The following ZBTB20 variants were observed in gnomAD, a reference collection of about 807,000 sequenced individuals.
ZBTB20 encodes the protein zinc finger and BTB domain-containing protein 20.
A neutral mutation model predicts 56.9 loss-of-function variants in ZBTB20; 9 were observed. The observed-to-expected ratio is 0.16, with a 90% CI of 0.10 to 0.28. The LOEUF (loss-of-function observed/expected upper bound fraction) is 0.28. Ranked by LOEUF, ZBTB20 falls within the 10% of genes least tolerant of loss-of-function variation. The pLI, the probability that ZBTB20 is intolerant of heterozygous loss-of-function variation, is 1.00. For missense variants in ZBTB20, 655 were observed against 1,003.0 expected (o/e 0.65, Z 4.69); for synonymous variants, 417 against 420.7 (o/e 0.99, Z 0.11).
At chr3:114,839,469 G>GAAAGAAAGAAAGAA (rs1560306957) in intron 4 of ZBTB20, among the ~76,000 whole-genome samples, 1 of 72,544 alleles carries the variant, frequency 1.4e-5, no homozygotes, top group African/African-American at 5.3e-5. Context: ...GAAAGAAAGA[G>GAAAGAAAGAAAGAA]AGAGAGAAAG....
At chr3:115,085,221 A>G (rs1047306043) in intron 1 of ZBTB20, among the ~76,000 whole-genome samples, 3 of 152,006 alleles carry the variant, frequency 2.0e-5, no homozygotes, top group African/African-American at 7.2e-5. Flanking sequence ...CCTTAAATCA[A>G]AACACTATTG....
intron 6 of ZBTB20, among the ~76,000 whole-genome samples, chr3:114,681,603 A>T (rs1431100527): frequency 6.6e-6 from 1 of 152,236 alleles, no homozygotes; most frequent in Non-Finnish European, 1.5e-5. Flanking sequence ...AGTTAAAATC[A>T]ATGTGGATTT....
chr3:114,568,204 A>G (rs2053011213), intron 6 of ZBTB20, among the ~76,000 whole-genome samples: 1 of 152,158 alleles, frequency 6.6e-6, no homozygotes. Flanking sequence ...CTATACAACT[A>G]ATTAGTAAAA....
rs1306394938 is a variant in ZBTB20, at chr3:114,350,454, C to T, written c.1624G>A (p.Val542Met). 2 of 1,613,882 alleles carry T rather than the reference C, an allele frequency of 1.2e-6. No homozygotes were observed. The highest frequency in any genetic ancestry group is 1.7e-6 in the Non-Finnish European group (2 of 1,180,000). Residue 542 changes from valine to methionine, a missense_variant, in exon 11 of 12, where the codon GTG becomes ATG. Coordinates refer to ENST00000675478, the MANE Select transcript of ZBTB20 (RefSeq NM_001348800.3). ...LAGQQTQFVT[V>M]SQPGLSTFTA... ...AAGGTCGACAGACCGGGCTGGGACA[C>T]TGTCACAAACTGGGTCTGCTGGCCT...
intron 4 of ZBTB20, among the ~76,000 whole-genome samples, chr3:114,896,493 A>G (rs547819648): frequency 6.6e-6 from 1 of 152,120 alleles, no homozygotes; most frequent in Non-Finnish European, 1.5e-5. Context: ...AAATAAGCCA[A>G]ACACGAGAAG....
intron 3 of ZBTB20, among the ~76,000 whole-genome samples, chr3:114,960,762 G>A (rs1380674108): frequency 6.6e-6 from 1 of 152,108 alleles, no homozygotes; most frequent in African/African-American, 2.4e-5. Context: ...TTTGGATCCA[G>A]TCTTAGGGAG....
intron 5 of ZBTB20, among the ~76,000 whole-genome samples, chr3:114,770,589 G>A (rs992638917): frequency 4.6e-5 from 7 of 152,086 alleles, no homozygotes; most frequent in African/African-American, 1.7e-4. Context: ...TCTTGCCTGG[G>A]CAACTTTTGG....
intron 6 of ZBTB20, among the ~76,000 whole-genome samples, chr3:114,560,461 T>C (rs2051866724): frequency 6.6e-6 from 1 of 152,274 alleles, no homozygotes; most frequent in South Asian, 2.1e-4. Flanking sequence ...TTATTATCTA[T>C]TCTTAGAGAT....
intron 3 of ZBTB20, among the ~76,000 whole-genome samples, chr3:114,953,804 A>G (rs1252217027): frequency 2.6e-5 from 4 of 152,114 alleles, no homozygotes; most frequent in Non-Finnish European, 5.9e-5. Flanking sequence ...AGACTAATAT[A>G]TAATTAGTAA....
chr3:114,813,037 CT>C (rs1209175954), intron 4 of ZBTB20, among the ~76,000 whole-genome samples: 1 of 152,116 alleles, frequency 6.6e-6, no homozygotes, highest in Non-Finnish European at 1.5e-5. Flanking sequence ...GCACCTCTCC[CT>C]CCACACCTCC....
intron 7 of ZBTB20, among the ~76,000 whole-genome samples, chr3:114,480,393 A>G (rs2109356445): frequency 6.6e-6 from 1 of 152,342 alleles, no homozygotes; most frequent in South Asian, 2.1e-4. Context: ...GAGAAATGCT[A>G]TTACTATGTT....
chr3:114,589,551 T>G (rs2107546805), intron 6 of ZBTB20, among the ~76,000 whole-genome samples: 1 of 152,334 alleles, frequency 6.6e-6, no homozygotes, highest in South Asian at 2.1e-4. Flanking sequence ...ATTGACCATT[T>G]AATTTATTGT....
intron 5 of ZBTB20, among the ~76,000 whole-genome samples, chr3:114,789,314 A>T (rs75702584): frequency 0.06 from 9,080 of 152,248 alleles, 293 homozygotes; most frequent in Middle Eastern, 0.12. Flanking sequence ...ACTATCCAGA[A>T]AAATGGTTTC....
chr3:115,059,666 A>G (rs1181667326), intron 2 of ZBTB20, among the ~76,000 whole-genome samples: 1 of 152,102 alleles, frequency 6.6e-6, no homozygotes, highest in Non-Finnish European at 1.5e-5. Flanking sequence ...CCGGTATTCT[A>G]CCTGCAAATT....
intron 1 of ZBTB20, among the ~76,000 whole-genome samples, chr3:115,101,139 A>G (rs1432671892): frequency 6.6e-6 from 1 of 152,274 alleles, no homozygotes; most frequent in Non-Finnish European, 1.5e-5. Flanking sequence ...TGCAATGCGT[A>G]TAGTACATAG....
At chr3:114,636,565 A>AT (rs1287266256) in intron 6 of ZBTB20, among the ~76,000 whole-genome samples, 1 of 152,100 alleles carries the variant, frequency 6.6e-6, no homozygotes, top group Non-Finnish European at 1.5e-5. Flanking sequence ...AAGAGTAGAG[A>AT]TTTTGTATGT....
intron 7 of ZBTB20, among the ~76,000 whole-genome samples, chr3:114,473,917 C>A (rs1349191727): frequency 1.3e-5 from 2 of 152,124 alleles, no homozygotes; most frequent in African/African-American, 2.4e-5. Context: ...TAAATACATA[C>A]CCAAGATTGG....
intron 3 of ZBTB20, among the ~76,000 whole-genome samples, chr3:114,959,960 A>G (rs1422675844): frequency 6.6e-6 from 1 of 152,192 alleles, no homozygotes; most frequent in Admixed American, 6.5e-5. Context: ...AAGTACTGAA[A>G]GATTGGCAAT....
Position 114,537,599 on chromosome 3 carries a change from C to T in ZBTB20, c.-294-37208G>A, listed in dbSNP as rs188065618. Among the ~76,000 whole-genome samples, 25 of 152,210 alleles carry T rather than the reference C, an allele frequency of 1.6e-4. No homozygotes were observed. In the East Asian group the frequency reaches 4.4e-3, roughly 27 times the overall value. ...GTGGCAATTCATCAAGGATCTAGAA[C>T]CAAAAATACCATTTGACCCAGCGAT... On this transcript the variant is annotated intron_variant, in intron 6 of 11. Coordinates refer to ENST00000675478, the MANE Select transcript of ZBTB20 (RefSeq NM_001348800.3).
Sources: gnomAD v4.1 joint callset for allele counts (sites outside exome capture counted in the v4.1 genomes callset) on GRCh38, gnomAD v4.1.1 for gene constraint, MANE v1.5 for transcripts, NCBI Gene and HGNC (gene_info 2026-07-23, HGNC 2026-07-21) for gene names.